Variants in RIMS1 observed in about 807,000 individuals in gnomAD.
The protein encoded by RIMS1 is regulating synaptic membrane exocytosis protein 1.
A neutral mutation model predicts 214.1 loss-of-function variants in RIMS1; 83 were observed. That is an observed-to-expected ratio of 0.39 (90% CI 0.32 to 0.47). The LOEUF (loss-of-function observed/expected upper bound fraction) is 0.47, where lower values mean the gene tolerates loss of function less well. Ranked by LOEUF, RIMS1 falls within the 20% of genes least tolerant of loss-of-function variation. RIMS1 has a pLI of 0.99. For missense variants in RIMS1, 2,050 were observed against 2,161.8 expected (o/e 0.95, Z 1.03); for synonymous variants, 793 against 786.8 (o/e 1.01, Z -0.13).
rs2095260209 is a variant in RIMS1 at position 72,307,326 on chromosome 6, G to A, written c.3919G>A (p.Gly1307Arg). ...MKVHRFKQTT[G>R]SGSSQELDRE... Reference sequence around the variant, plus strand: ...AGTGCATCGATTTAAGCAGACAACAGGGTCTGGTTCTAGTCAAGAACTTGA... The same window carrying A: ...AGTGCATCGATTTAAGCAGACAACAAGGTCTGGTTCTAGTCAAGAACTTGA... The change falls in exon 27 of 34, where the codon GGG becomes AGG. Residue 1307 changes from glycine to arginine, a missense_variant. Gly to Arg is a moderately radical substitution (Grantham distance 125). Transcript: ENST00000521978. 1 of 1,605,700 alleles carries A rather than the reference G, an allele frequency of 6.2e-7. No individual in the cohort carries two copies. Among genetic ancestry groups the A allele is most frequent in the Non-Finnish European group, 8.5e-7 (1 of 1,176,002 alleles).
At chr6:71,982,612 C>A (rs1018472671) in intron 2 of RIMS1, among the ~76,000 whole-genome samples, 10 of 152,108 alleles carry the variant, frequency 6.6e-5, no homozygotes, top group African/African-American at 2.2e-4. Flanking sequence ...TCTTCAGCTC[C>A]CCACTTCCTT....
chr6:72,239,916 G>A (rs1039975832), intron 9 of RIMS1, among the ~76,000 whole-genome samples: 1 of 150,570 alleles, frequency 6.6e-6, no homozygotes, highest in Non-Finnish European at 1.5e-5. Flanking sequence ...CCTGTTGAAG[G>A]CCTTTCCATC....
rs573930381 is a variant in RIMS1 at position 71,892,000 on chromosome 6, T to C, written c.164+4813T>C. Among the ~76,000 whole-genome samples the C allele has an allele frequency of 9.2e-5, 14 of 152,328 alleles. No individual in the cohort carries two copies. In the South Asian group the frequency reaches 2.9e-3, roughly 32 times the overall value. ...AAAGTCAATTGTATTGCATTTAATT[T>C]GTCCTCATGGGCTGTTTTCTACTTT... is the stretch of plus-strand genomic sequence containing the variant. On this transcript the variant is annotated intron_variant, in intron 1 of 33. Coordinates refer to ENST00000521978, the MANE Select transcript of RIMS1 (RefSeq NM_014989.7).
At chr6:71,922,537 C>G (rs901164489) in intron 1 of RIMS1, among the ~76,000 whole-genome samples, 1 of 152,194 alleles carries the variant, frequency 6.6e-6, no homozygotes, top group African/African-American at 2.4e-5. Context: ...GAGATCCTGT[C>G]TCAAAGACAA....
chr6:72,220,358 C>A (rs538198861), intron 6 of RIMS1, among the ~76,000 whole-genome samples: 2 of 152,150 alleles, frequency 1.3e-5, no homozygotes, highest in African/African-American at 4.8e-5. Context: ...CTTTTGCACA[C>A]AAAATTTTAC....
intron 2 of RIMS1, among the ~76,000 whole-genome samples, chr6:72,010,685 C>A (rs1342289112): frequency 6.6e-6 from 1 of 151,892 alleles, no homozygotes; most frequent in African/African-American, 2.4e-5. Context: ...ACACCAATAA[C>A]AGACAAACAG....
intron 1 of RIMS1, among the ~76,000 whole-genome samples, chr6:71,944,485 T>C (rs115007918): frequency 6.6e-6 from 1 of 152,200 alleles, no homozygotes; most frequent in African/African-American, 2.4e-5. Context: ...AGAGAGGGAT[T>C]GAAGGCTATG....
At chr6:71,901,765 G>A (rs1173242619) in intron 1 of RIMS1, among the ~76,000 whole-genome samples, 1 of 152,106 alleles carries the variant, frequency 6.6e-6, no homozygotes, top group East Asian at 1.9e-4. Context: ...GCATTTCACT[G>A]TATTTAAATT....
chr6:72,028,242 A>G (rs1817091424), intron 2 of RIMS1, among the ~76,000 whole-genome samples: 1 of 152,200 alleles, frequency 6.6e-6, no homozygotes, highest in African/African-American at 2.4e-5. Flanking sequence ...TTGTCATAAT[A>G]TTTCTAATGT....
chr6:72,289,871 C>G (rs900553945), intron 24 of RIMS1, among the ~76,000 whole-genome samples: 1 of 151,426 alleles, frequency 6.6e-6, no homozygotes, highest in Non-Finnish European at 1.5e-5. Context: ...AAAATAAATA[C>G]CAAAATCAAT....
intron 1 of RIMS1, among the ~76,000 whole-genome samples, chr6:71,902,701 C>A (rs1265124811): frequency 6.6e-6 from 1 of 152,006 alleles, no homozygotes; most frequent in Non-Finnish European, 1.5e-5. Flanking sequence ...CGACAGGCCC[C>A]AGCGTGTATT....
At chr6:72,252,642 A>T (rs2073944012) in intron 15 of RIMS1, 119 bp from the exon 16 acceptor site, 6 of 744,748 alleles carry the variant, frequency 8.1e-6, no homozygotes, top group Middle Eastern at 2.5e-4. Context: ...TTACTGTATT[A>T]GTCTTCATAA....
At position 72,256,641 on chromosome 6, in the gene RIMS1, T is replaced by A. The variant is rs185956630; in HGVS notation, c.2771-1484T>A. On this transcript the variant is annotated intron_variant, in intron 16 of 33. Transcript: ENST00000521978. ...TGATACCAGATAGCAATTAAAAATG[T>A]TTAAGTAATTCAGACTATGGATTAA... Among the ~76,000 whole-genome samples the A allele has an allele frequency of 2.1e-3, 326 of 151,878 alleles. 3 individuals are homozygous for A. Among genetic ancestry groups the A allele is most frequent in the Non-Finnish European group, 3.8e-4 (26 of 67,886 alleles).
intron 2 of RIMS1, among the ~76,000 whole-genome samples, chr6:72,040,040 T>G (rs767238431): frequency 9.2e-5 from 14 of 152,074 alleles, no homozygotes; most frequent in Non-Finnish European, 1.8e-4. Flanking sequence ...CAAATTAGCA[T>G]TGTTTACAGC....
At position 71,897,731 on chromosome 6, in the gene RIMS1, A is replaced by T. The variant is rs146918603; in HGVS notation, c.164+10544A>T. Among the ~76,000 whole-genome samples, 803 of 152,284 alleles carry T rather than the reference A, an allele frequency of 5.3e-3. 3 individuals are homozygous for T. Among genetic ancestry groups the T allele is most frequent in the African/African-American group, 0.018 (762 of 41,564 alleles). On this transcript the variant is annotated intron_variant, in intron 1 of 33. Transcript: ENST00000521978. ...TCTCAGTACAGCATAAATTCTGGAA[A>T]GGAGGACCATTCTTATTTGAATCCC...
At chr6:72,150,233 G>C (rs2043350835) in intron 4 of RIMS1, among the ~76,000 whole-genome samples, 1 of 152,050 alleles carries the variant, frequency 6.6e-6, no homozygotes, top group Non-Finnish European at 1.5e-5. Context: ...TCAAAGGTGG[G>C]CATGACAGTG....
chr6:72,237,323 A>G (rs1237113358), intron 8 of RIMS1, among the ~76,000 whole-genome samples: 1 of 152,102 alleles, frequency 6.6e-6, no homozygotes, highest in Non-Finnish European at 1.5e-5. Flanking sequence ...CTTAGGACAC[A>G]TAGTCATCTC....
At chr6:72,307,217 C>CTTCACATG in intron 26 of RIMS1, 41 bp from the exon 27 acceptor site, 1 of 1,307,324 alleles carries the variant, frequency 7.6e-7, no homozygotes, top group Middle Eastern at 1.8e-4. Flanking sequence ...CTGAAAGGTT[C>CTTCACATG]TTCACATGTT....
chr6:72,162,971 C>A (rs2045677201), intron 4 of RIMS1, among the ~76,000 whole-genome samples: 1 of 133,854 alleles, frequency 7.5e-6, no homozygotes, highest in Non-Finnish European at 1.7e-5. Context: ...TGGATAATAT[C>A]CTGCAGAGTG....
Sources: allele counts gnomAD v4.1 joint callset (sites outside exome capture counted in the v4.1 genomes callset), GRCh38; gene constraint gnomAD v4.1.1; transcripts MANE v1.5; gene names NCBI Gene and HGNC (gene_info 2026-07-23, HGNC 2026-07-21).